Variants in ITGA1 observed in about 807,000 individuals in gnomAD.
ITGA1 encodes integrin alpha-1.
In ITGA1, 85 loss-of-function variants were observed where a neutral mutation model predicts 145.9. The ratio of observed to expected loss-of-function variants is 0.58; its 90% CI spans 0.49 to 0.70. The LOEUF (loss-of-function observed/expected upper bound fraction) is 0.70. Among genes scored for constraint, ITGA1 ranks in the 30% least tolerant of loss-of-function variants. The probability of loss-of-function intolerance (pLI) is 0.00; values close to 1 mark genes in which losing one functional copy is unlikely to be tolerated. For synonymous variants in ITGA1, 520 were observed against 495.3 expected, an observed-to-expected ratio of 1.05 and a Z score of -0.66; for missense variants, 1,351 against 1,418.7, an observed-to-expected ratio of 0.95 and a Z score of 0.77.
chr5:52,857,259 C>A (rs931659368), intron 2 of ITGA1, among the ~76,000 whole-genome samples: 2 of 152,200 alleles, frequency 1.3e-5, no homozygotes, highest in Admixed American at 6.5e-5. Context: ...GCTCAGCGTG[C>A]TGCCTAGGGA....
intron 18 of ITGA1, among the ~76,000 whole-genome samples, chr5:52,924,951 G>A (rs1750781970): frequency 6.6e-6 from 1 of 152,202 alleles, no homozygotes; most frequent in Non-Finnish European, 1.5e-5. Context: ...CATGATTAGA[G>A]TTGAGTAGAT....
intron 1 of ITGA1, among the ~76,000 whole-genome samples, chr5:52,820,818 T>C (rs1284831311): frequency 6.6e-6 from 1 of 152,188 alleles, no homozygotes; most frequent in Non-Finnish European, 1.5e-5. Flanking sequence ...TTTTTTTTTA[T>C]TGGCTTTAAC....
intron 14 of ITGA1, among the ~76,000 whole-genome samples, chr5:52,911,210 T>C (rs1394788479): frequency 1.4e-4 from 19 of 136,378 alleles, no homozygotes; most frequent in African/African-American, 5.0e-4. Context: ...ATATATAATA[T>C]ATAGTGTATA....
chr5:52,865,127 C>A, intron 5 of ITGA1, 45 bp downstream of exon 5: 1 of 1,367,074 alleles, frequency 7.3e-7, no homozygotes, highest in Non-Finnish European at 1.0e-6. Flanking sequence ...AAAGCCTATG[C>A]AATGAATGAG....
chr5:52,865,703 A>C lies in ITGA1; in HGVS notation c.510A>C (p.Gln170His). 1 of 1,564,474 alleles carries C rather than the reference A, an allele frequency of 6.4e-7. No individual in the cohort carries two copies. The highest frequency in any genetic ancestry group is 8.6e-7 in the Non-Finnish European group (1 of 1,162,880). ...SIAPVQECST[Q>H]LDIVIVLDGS... ...CTTTTATTGCAGAATGCAGCACTCAACTGGACATAGTCATAGTGCTGGATG... is the reference window on the plus strand; with the variant it reads ...CTTTTATTGCAGAATGCAGCACTCACCTGGACATAGTCATAGTGCTGGATG... Residue 170 changes from glutamine (Q) to histidine (H), a missense_variant, in exon 6 of 29, where the codon CAA becomes CAC. Physicochemically the swap from Gln to His is conservative, Grantham distance 24. Coordinates refer to ENST00000282588, the MANE Select transcript of ITGA1 (RefSeq NM_181501.2).
Position 52,911,573 on chromosome 5 carries a change from ACTATATATATAGTGTATCTAC to A in ITGA1, c.1857+1155_1857+1175del, listed in dbSNP as rs1561246357. Among the ~76,000 whole-genome samples, 47 of 54,720 alleles carry A rather than the reference ACTATATATATAGTGTATCTAC, an allele frequency of 8.6e-4. 3 individuals are homozygous for A. Among genetic ancestry groups the A allele is most frequent in the African/African-American group, 2.6e-3 (45 of 17,418 alleles). The allele number at this position is 54,720 out of a possible 152,430, so 35.9% of individuals were successfully genotyped here. ...TATATATAGTGTATCTACTATATAT[ACTATATATATAGTGTATCTAC>A]TATATATACTATATATATAGTGTAT... On this transcript the variant is annotated intron_variant, in intron 14 of 28. Coordinates refer to ENST00000282588, the MANE Select transcript of ITGA1 (RefSeq NM_181501.2).
At position 52,910,280 on chromosome 5, in the gene ITGA1, C is replaced by A; in HGVS notation, c.1718C>A (p.Thr573Asn). Reference sequence around the variant, plus strand: ...GAGCCATGCGGGGCTCGTTTTGGAACTGCAATTGCTGCTGTAAAAGACCTC... The same window carrying A: ...GAGCCATGCGGGGCTCGTTTTGGAAATGCAATTGCTGCTGTAAAAGACCTC... Reference protein sequence around the residue: ...KNEPCGARFGTAIAAVKDLNL... With the variant: ...KNEPCGARFGNAIAAVKDLNL... The change falls in exon 14 of 29, where the codon ACT becomes AAT. Residue 573 changes from threonine (T) to asparagine (N), a missense_variant. Physicochemically the swap from Thr to Asn is moderately conservative, Grantham distance 65. Coordinates refer to ENST00000282588, the MANE Select transcript of ITGA1 (RefSeq NM_181501.2). The A allele has an allele frequency of 6.2e-7, 1 of 1,613,982 alleles. No individual in the cohort carries two copies. The highest frequency in any genetic ancestry group is 8.5e-7 in the Non-Finnish European group (1 of 1,179,946).
At chr5:52,834,583 A>AGAAGAAAGAAAGAAAG (rs1749129849) in intron 1 of ITGA1, among the ~76,000 whole-genome samples, 2 of 109,500 alleles carry the variant, frequency 1.8e-5, no homozygotes, top group Non-Finnish European at 4.7e-5. Context: ...GAAAGAAAGA[A>AGAAGAAAGAAAGAAAG]AGAGAGAGAG....
rs766111081 is a variant in ITGA1 at position 52,922,892 on chromosome 5, G to A, written c.2403+5G>A. ...CCAAACTCAGTACATGAATATGTAA[G>A]TCAGATTTCTTTAAAATACAAAATA... On this transcript the variant is annotated splice_donor_5th_base_variant and intron_variant, in intron 18 of 28. Transcript: ENST00000282588. The A allele has an allele frequency of 1.3e-6, 2 of 1,517,958 alleles. No individual in the cohort carries two copies. Among genetic ancestry groups the A allele is most frequent in the Non-Finnish European group, 1.8e-6 (2 of 1,093,936 alleles). The allele number at this position is 1,517,958 out of a possible 1,614,324, so 94.0% of individuals were successfully genotyped here. A position where few individuals can be genotyped will look rare whatever the true frequency, so the allele number is the denominator to read the frequency against.
At chr5:52,949,007 T>C (rs1751177287) in intron 28 of ITGA1, 1 of 152,190 alleles carries the variant, frequency 6.6e-6, no homozygotes. Context: ...TTCATCCAGA[T>C]AATGATGTGT....
Position 52,939,571 on chromosome 5 carries a change from G to T in ITGA1, c.3079-19G>T, listed in dbSNP as rs1386332398. The T allele has an allele frequency of 6.7e-7, 1 of 1,503,168 alleles. No homozygotes were observed. Among genetic ancestry groups the T allele is most frequent in the African/African-American group, 1.4e-5 (1 of 72,218 alleles). The allele number at this position is 1,503,168 out of a possible 1,614,324, so 93.1% of individuals were successfully genotyped here. A position where few individuals can be genotyped will look rare whatever the true frequency, so the allele number is the denominator to read the frequency against. On this transcript the variant is annotated intron_variant, in intron 24 of 28. Transcript: ENST00000282588. ...TGATATCTGGCATTGTCTGATAAAT[G>T]TAATATTTTCATTTCTAGAATGCAA...
At chr5:52,875,554 C>T (rs1451937136) in intron 6 of ITGA1, among the ~76,000 whole-genome samples, 1 of 152,166 alleles carries the variant, frequency 6.6e-6, no homozygotes, top group African/African-American at 2.4e-5. Context: ...GTAAATGTAT[C>T]CTTTCCAGTT....
chr5:52,801,326 G>C, intron 1 of ITGA1: 1 of 1,245,138 alleles, frequency 8.0e-7, no homozygotes, highest in South Asian at 1.4e-5. Context: ...CCTTACTAGC[G>C]CTTTTGGCTT....
intron 6 of ITGA1, 120 bp downstream of exon 6, chr5:52,865,937 A>T: frequency 1.4e-6 from 1 of 717,542 alleles, no homozygotes; most frequent in East Asian, 3.2e-5. Flanking sequence ...AATGAATTTT[A>T]TATCCATTTC....
At chr5:52,840,109 G>C (rs1287940912) in intron 1 of ITGA1, among the ~76,000 whole-genome samples, 1 of 152,170 alleles carries the variant, frequency 6.6e-6, no homozygotes, top group African/African-American at 2.4e-5. Flanking sequence ...AACGCCTGCT[G>C]TGTATACTAA....
chr5:52,807,787 T>G (rs1748618043), intron 1 of ITGA1, among the ~76,000 whole-genome samples: 1 of 152,192 alleles, frequency 6.6e-6, no homozygotes, highest in Admixed American at 6.5e-5. Context: ...TATCCAGCAT[T>G]CATTTATTGT....
intron 28 of ITGA1, chr5:52,948,698 G>T (rs1232753486): frequency 6.6e-6 from 1 of 152,186 alleles, no homozygotes; most frequent in Non-Finnish European, 1.5e-5. Flanking sequence ...CCCAAGGCCT[G>T]GCTTATTGGT....
Position 52,958,615 on chromosome 5 carries a change from T to C in ITGA1, c.*6164T>C, listed in dbSNP as rs1751335577. ...GCTCTGCATTCCTTATTAGGAAAAA[T>C]TGGCCTGTAAGGAGAATGGTATACT... On this transcript the variant is annotated 3_prime_UTR_variant, in exon 29 of 29. Transcript: ENST00000282588. The C allele has an allele frequency of 6.6e-6, 1 of 152,138 alleles. No individual in the cohort carries two copies. The highest frequency in any genetic ancestry group is 6.5e-5 in the Admixed American group (1 of 15,274). The allele number at this position is 152,138 out of a possible 1,614,324, so 9.4% of individuals were successfully genotyped here.
intron 20 of ITGA1, among the ~76,000 whole-genome samples, chr5:52,929,350 T>C (rs2111885555): frequency 6.6e-6 from 1 of 152,314 alleles, no homozygotes. Context: ...CCTAATATCA[T>C]CACATTAGTG....
Sources: gnomAD v4.1 joint callset for allele counts (sites outside exome capture counted in the v4.1 genomes callset) on GRCh38, gnomAD v4.1.1 for gene constraint, MANE v1.5 for transcripts, NCBI Gene and HGNC (gene_info 2026-07-23, HGNC 2026-07-21) for gene names.